The following NTNG2 variants were observed in gnomAD, a reference collection of about 807,000 sequenced individuals.
NTNG2 encodes the protein netrin-G2.
Under a neutral mutation model 47.6 loss-of-function variants are expected in NTNG2, and 15 were observed. The observed-to-expected ratio is 0.32, with a 90% CI of 0.21 to 0.49. The LOEUF is 0.49. Among genes scored for constraint, NTNG2 ranks in the 20% least tolerant of loss-of-function variants. The probability of loss-of-function intolerance (pLI) is 0.99; values close to 1 mark genes in which losing one functional copy is unlikely to be tolerated. For missense variants in NTNG2, 578 were observed against 764.6 expected, an observed-to-expected ratio of 0.76 and a Z score of 2.88; for synonymous variants, 307 against 324.6, an observed-to-expected ratio of 0.95 and a Z score of 0.58.
Position 132,197,496 on chromosome 9 carries a change from A to G in NTNG2, c.214-470A>G, listed in dbSNP as rs1838400522. Reference sequence around the variant, plus strand: ...GTGAATGGGAATTTTTGAGGCGGACAGAGTGGAAGGGCACATGAAGGAGAC... The same window carrying G: ...GTGAATGGGAATTTTTGAGGCGGACGGAGTGGAAGGGCACATGAAGGAGAC... On this transcript the variant is annotated intron_variant, in intron 2 of 7. Transcript: ENST00000393229. The surrounding 1 kb of genome is among the most constrained non-coding windows in gnomAD (Gnocchi z 4.3). 6.6e-6 allele frequency among the ~76,000 whole-genome samples: 1 copy of G among 152,252 alleles called. No homozygotes were observed. Among genetic ancestry groups the G allele is most frequent in the Non-Finnish European group, 1.5e-5 (1 of 68,042 alleles).
intron 5 of NTNG2, among the ~76,000 whole-genome samples, chr9:132,238,347 C>T (rs1364680295): frequency 3.9e-5 from 6 of 152,106 alleles, no homozygotes; most frequent in South Asian, 4.1e-4. Flanking sequence ...CTGAGAACCA[C>T]GTAGGGGTGG....
At chr9:132,196,253 C>T (rs1418599207) in intron 2 of NTNG2, among the ~76,000 whole-genome samples, 12 of 152,210 alleles carry the variant, frequency 7.9e-5, no homozygotes, top group Admixed American at 6.5e-4. Flanking sequence ...TGCAATGGCA[C>T]GATCTCGGCT....
intron 3 of NTNG2, among the ~76,000 whole-genome samples, chr9:132,207,111 C>G (rs914368289): frequency 1.3e-5 from 2 of 152,240 alleles, no homozygotes; most frequent in Non-Finnish European, 2.9e-5. Flanking sequence ...AATCGGGGTT[C>G]CCTCTTCTCT....
intron 3 of NTNG2, among the ~76,000 whole-genome samples, chr9:132,224,787 A>G (rs1356283072): frequency 6.6e-6 from 1 of 152,220 alleles, no homozygotes; most frequent in Admixed American, 6.5e-5. Flanking sequence ...ACAAAAGAAG[A>G]TGGTGTCTGC....
In NTNG2 at chr9:132,182,225, C is replaced by T. The variant is rs1029349602; in HGVS notation, c.213+15181C>T. Among the ~76,000 whole-genome samples the T allele has an allele frequency of 6.6e-6, 1 of 152,258 alleles. No individual in the cohort carries two copies. Among genetic ancestry groups the T allele is most frequent in the African/African-American group, 2.4e-5 (1 of 41,460 alleles). ...GCGAGATGGCTTTGCCTGGAGGAAC[C>T]TGATTGTTTTTCTGGGGAAGGAGTG... is the stretch of plus-strand genomic sequence containing the variant. On this transcript the variant is annotated intron_variant, in intron 2 of 7. Transcript: ENST00000393229. The surrounding 1 kb of genome is among the most constrained non-coding windows in gnomAD (Gnocchi z 4.2).
rs1838398565 is a variant in NTNG2 at position 132,197,477 on chromosome 9, G to A, written c.214-489G>A. ...TATTTAGAGAGTCGAGAATGTGAATGGGAATTTTTGAGGCGGACAGAGTGG... is the reference window on the plus strand; with the variant it reads ...TATTTAGAGAGTCGAGAATGTGAATAGGAATTTTTGAGGCGGACAGAGTGG... On this transcript the variant is annotated intron_variant, in intron 2 of 7. Coordinates refer to ENST00000393229, the MANE Select transcript of NTNG2 (RefSeq NM_032536.4). This position sits in a 1 kb window ranked among gnomAD's most constrained non-coding sequence, Gnocchi z 4.3. 6.6e-6 allele frequency among the ~76,000 whole-genome samples: 1 copy of A among 152,206 alleles called. No individual in the cohort carries two copies. The highest frequency in any genetic ancestry group is 2.4e-5 in the African/African-American group (1 of 41,450).
intron 2 of NTNG2, among the ~76,000 whole-genome samples, chr9:132,183,659 C>T (rs569860971): frequency 2.6e-5 from 4 of 152,110 alleles, no homozygotes; most frequent in South Asian, 2.1e-4. Context: ...GCAAATTGCC[C>T]GAGTCACCAG....
At chr9:132,235,973 AG>A (rs1173849829) in intron 5 of NTNG2, among the ~76,000 whole-genome samples, 1 of 152,126 alleles carries the variant, frequency 6.6e-6, no homozygotes, top group Non-Finnish European at 1.5e-5. Flanking sequence ...CTGCTTCAAG[AG>A]GTTCCATGTG....
chr9:132,242,105 C>T lies in NTNG2; in HGVS notation c.1587C>T (p.Gly529=). ...TGCTGGGGCTGGCCGCCCGCCTGGG[C>T]CGCTGAGCCCCGCCCGGAGGACGCT... The part of the protein sequence containing the change: ...LLLLGLAARL[G]R Residue 529 remains glycine (G), a synonymous_variant, in exon 8 of 8, where the codon GGC becomes GGT. Coordinates refer to ENST00000393229, the MANE Select transcript of NTNG2 (RefSeq NM_032536.4). This position sits in a 1 kb window ranked among gnomAD's most constrained non-coding sequence, Gnocchi z 5.9. 1.8e-6 allele frequency: 2 copies of T among 1,138,718 alleles called. No homozygotes were observed. Among genetic ancestry groups the T allele is most frequent in the East Asian group, 4.6e-5 (1 of 21,604 alleles). The allele number at this position is 1,138,718 out of a possible 1,614,324, so 70.5% of individuals were successfully genotyped here.
At chr9:132,172,722 A>ATT (rs35406789) in intron 2 of NTNG2, among the ~76,000 whole-genome samples, 11,980 of 83,020 alleles carry the variant, frequency 0.14, 945 homozygotes, top group East Asian at 0.3. Context: ...TCAGGGCTGT[A>ATT]TTTTTTTTTT....
chr9:132,222,903 G>C (rs1435420888), intron 3 of NTNG2, among the ~76,000 whole-genome samples: 1 of 152,084 alleles, frequency 6.6e-6, no homozygotes, highest in African/African-American at 2.4e-5. Flanking sequence ...CTTCAACCAG[G>C]AGTTTGAGAC....
chr9:132,201,078 C>G (rs183722112), intron 3 of NTNG2, among the ~76,000 whole-genome samples: 1 of 152,238 alleles, frequency 6.6e-6, no homozygotes, highest in African/African-American at 2.4e-5. Flanking sequence ...GTTCAAGGAC[C>G]CTGCCTTACC....
rs1421725918 is a variant in NTNG2 at position 132,226,920 on chromosome 9, A to C, written c.929A>C (p.Asn310Thr). ...EGSLQCECEHNTTGPDCGKCK... is the reference protein window; with the variant it reads ...EGSLQCECEHTTTGPDCGKCK... ...AGCCTGCAGTGCGAGTGCGAGCACA[A>C]CACCACCGGCCCCGACTGCGGCAAG... Residue 310 changes from asparagine to threonine, a missense_variant, in exon 4 of 8, where the codon AAC becomes ACC. Coordinates refer to ENST00000393229, the MANE Select transcript of NTNG2 (RefSeq NM_032536.4). The surrounding 1 kb of genome is among the most constrained non-coding windows in gnomAD (Gnocchi z 4.8). The C allele has an allele frequency of 1.9e-6, 3 of 1,612,854 alleles. No individual in the cohort carries two copies. Among genetic ancestry groups the C allele is most frequent in the Admixed American group, 1.7e-5 (1 of 59,970 alleles).
chr9:132,191,876 C>G (rs565420298), intron 2 of NTNG2, among the ~76,000 whole-genome samples: 1 of 152,176 alleles, frequency 6.6e-6, no homozygotes, highest in Non-Finnish European at 1.5e-5. Context: ...CGGCCATTAC[C>G]GCATCTTTCT....
chr9:132,198,483 A>T lies in NTNG2; in HGVS notation c.731A>T (p.Lys244Met), dbSNP rs1033237825. The change falls in exon 3 of 8, where the codon AAG becomes ATG. Residue 244 changes from lysine (K) to methionine (M), a missense_variant. Transcript: ENST00000393229. ...YTRLESAKGL[K>M]EFFTLTDLRM... is the part of the protein sequence containing the mutation. ...CGGCTGGAGAGCGCCAAGGGCCTCAAGGAGTTCTTCACCCTCACCGACCTG... is the reference window on the plus strand; with the variant it reads ...CGGCTGGAGAGCGCCAAGGGCCTCATGGAGTTCTTCACCCTCACCGACCTG... The T allele has an allele frequency of 6.2e-7, 1 of 1,610,380 alleles. No homozygotes were observed. The highest frequency in any genetic ancestry group is 2.2e-5 in the East Asian group (1 of 44,850).
chr9:132,192,091 T>C (rs1403086192), intron 2 of NTNG2, among the ~76,000 whole-genome samples: 4 of 152,234 alleles, frequency 2.6e-5, no homozygotes, highest in African/African-American at 9.6e-5. Flanking sequence ...TTGTGATTAG[T>C]TGATCTGCTG....
chr9:132,175,610 C>T (rs138021392), intron 2 of NTNG2, among the ~76,000 whole-genome samples: 168 of 152,258 alleles, frequency 1.1e-3, no homozygotes, highest in African/African-American at 3.7e-3. Context: ...TTGCAGGATC[C>T]GATTTGTTTT....
chr9:132,233,472 G>A (rs1841393413), intron 5 of NTNG2: 1 of 152,332 alleles, frequency 6.6e-6, no homozygotes, highest in African/African-American at 2.4e-5. Flanking sequence ...AAATGCAGGG[G>A]AGGTGAGGGT....
At chr9:132,214,436 C>T (rs1439286740) in intron 3 of NTNG2, among the ~76,000 whole-genome samples, 2 of 152,254 alleles carry the variant, frequency 1.3e-5, no homozygotes, top group Non-Finnish European at 2.9e-5. Flanking sequence ...CCCAGCTGGG[C>T]CTGCCACGTT....
Sources: allele counts gnomAD v4.1 joint callset (sites outside exome capture counted in the v4.1 genomes callset), GRCh38; gene constraint gnomAD v4.1.1; non-coding constraint Gnocchi (gnomAD v3.1); transcripts MANE v1.5; gene names NCBI Gene and HGNC (gene_info 2026-07-23, HGNC 2026-07-21).